The following GNL3L variants were observed in gnomAD, a reference collection of about 807,000 sequenced individuals.
GNL3L encodes G protein nucleolar 3 like.
Under a neutral mutation model 42.9 loss-of-function variants are expected in GNL3L, and 4 were observed. The ratio of observed to expected loss-of-function variants is 0.09; its 90% CI spans 0.05 to 0.21. The LOEUF is 0.21. GNL3L is among the 10% of genes least tolerant of loss of function. The pLI, the probability that GNL3L is intolerant of heterozygous loss-of-function variation, is 1.00. For missense variants in GNL3L, 412 were observed against 481.7 expected (o/e 0.86, Z 1.36); for synonymous variants, 159 against 176.3 (o/e 0.90, Z 0.78).
chrX:54,575,363 C>T (rs1925618562), intron 16 of GNL3L, among the ~76,000 whole-genome samples: 1 of 112,448 alleles, frequency 8.9e-6, no homozygotes, highest in African/African-American at 3.2e-5. Context: ...TTCCAAATTT[C>T]CTTCTGTTGT....
Position 54,566,224 on chromosome X carries a change from G to A in GNL3L, c.*5622G>A, listed in dbSNP as rs1201895293. 9.0e-6 allele frequency among the ~76,000 whole-genome samples: 1 copy of A among 111,559 alleles called. No individual in the cohort carries two copies. The highest frequency in any genetic ancestry group is 1.9e-5 in the Non-Finnish European group (1 of 53,193). ...TTTAAAAATTATGGTAAAATACACAGAACATAAACGTTACCATCTGATATG... is the reference window on the plus strand; with the variant it reads ...TTTAAAAATTATGGTAAAATACACAAAACATAAACGTTACCATCTGATATG... On this transcript the variant is annotated 3_prime_UTR_variant, in exon 16 of 16. Coordinates refer to ENST00000360845, the MANE Select transcript of GNL3L (RefSeq NM_001184819.2).
intron 16 of GNL3L, among the ~76,000 whole-genome samples, chrX:54,572,534 C>T (rs1437092051): frequency 8.1e-5 from 9 of 111,602 alleles, no homozygotes; most frequent in East Asian, 5.8e-4. Flanking sequence ...ACCTCCCAGA[C>T]GGGGTGGTGG....
downstream of GNL3L, among the ~76,000 whole-genome samples, chrX:54,568,833 G>A (rs750075867): frequency 1.1e-4 from 12 of 112,343 alleles, no homozygotes; most frequent in African/African-American, 3.2e-4. Context: ...GATTATAGGC[G>A]TGAGCCACGA....
the GNL3L span, among the ~76,000 whole-genome samples, chrX:54,628,767 T>C: frequency 2.8e-5 from 3 of 108,965 alleles, no homozygotes; most frequent in Admixed American, 2.0e-4. Flanking sequence ...TGGATATTAG[T>C]TCTTTGTCAG....
the GNL3L span, among the ~76,000 whole-genome samples, chrX:54,638,659 A>G: frequency 9.0e-6 from 1 of 111,356 alleles, no homozygotes; most frequent in Non-Finnish European, 1.9e-5. Context: ...GGGTTTCACC[A>G]TGCTGGTCTC....
exon 17 of GNL3L, among the ~76,000 whole-genome samples, chrX:54,621,071 C>T (rs957689130): frequency 8.9e-6 from 1 of 112,173 alleles, no homozygotes; most frequent in African/African-American, 3.2e-5. Flanking sequence ...TCTCACTCAT[C>T]CCACATACTT....
chrX:54,545,283 A>T (rs1171556759), intron 8 of GNL3L, among the ~76,000 whole-genome samples: 1 of 111,536 alleles, frequency 9.0e-6, no homozygotes, highest in Non-Finnish European at 1.9e-5. Flanking sequence ...CAGTGGCACC[A>T]TCTCGGCTCA....
intron 16 of GNL3L, among the ~76,000 whole-genome samples, chrX:54,619,607 C>T (rs940063797): frequency 1.8e-5 from 2 of 110,433 alleles, no homozygotes; most frequent in East Asian, 5.7e-4. Context: ...CCTCTTGCCT[C>T]GGCCTTCCAA....
downstream of GNL3L, among the ~76,000 whole-genome samples, chrX:54,571,777 C>A (rs770472823): frequency 8.3e-5 from 9 of 108,709 alleles, no homozygotes; most frequent in African/African-American, 3.0e-4. Flanking sequence ...TATTGAACTT[C>A]TTGGATATTT....
intron 16 of GNL3L, among the ~76,000 whole-genome samples, chrX:54,616,291 A>G (rs1208953258): frequency 8.8e-5 from 10 of 113,168 alleles, no homozygotes; most frequent in African/African-American, 3.2e-4. Context: ...GGAGAAAGGA[A>G]AAACCAATTT....
At chrX:54,597,034 C>T (rs1006774218) in intron 16 of GNL3L, among the ~76,000 whole-genome samples, 2 of 111,306 alleles carry the variant, frequency 1.8e-5, no homozygotes, top group African/African-American at 6.5e-5. Context: ...GGTACTCTGC[C>T]TCCCTGCGGT....
intron 16 of GNL3L, among the ~76,000 whole-genome samples, chrX:54,592,425 A>G: frequency 8.9e-6 from 1 of 112,235 alleles, no homozygotes; most frequent in East Asian, 2.8e-4. Flanking sequence ...TTCCCCATTC[A>G]GTATGATACT....
chrX:54,598,635 G>A (rs1925966334), intron 16 of GNL3L, among the ~76,000 whole-genome samples: 3 of 110,926 alleles, frequency 2.7e-5, no homozygotes, highest in African/African-American at 9.8e-5. Context: ...GGAAAAATTA[G>A]AAAACATGAA....
downstream of GNL3L, among the ~76,000 whole-genome samples, chrX:54,569,216 C>CG (rs1925510814): frequency 9.0e-6 from 1 of 111,621 alleles, no homozygotes; most frequent in Non-Finnish European, 1.9e-5. Context: ...TCTTTGGTAT[C>CG]GGGGTAATGC....
intron 13 of GNL3L, among the ~76,000 whole-genome samples, chrX:54,553,706 A>AT (rs1027272344): frequency 9.1e-6 from 1 of 109,886 alleles, no homozygotes; most frequent in African/African-American, 3.3e-5. Context: ...CGCCTGGCTA[A>AT]TTTTTTTTAT....
intron 13 of GNL3L, among the ~76,000 whole-genome samples, chrX:54,553,445 C>G (rs944730525): frequency 8.9e-6 from 1 of 112,486 alleles, no homozygotes; most frequent in African/African-American, 3.2e-5. Flanking sequence ...TTTTAGTGTC[C>G]TTGTGTTACA....
intron 14 of GNL3L, 103 bp from the exon 15 acceptor site, chrX:54,558,333 C>A: frequency 1.8e-6 from 1 of 557,455 alleles, no homozygotes; most frequent in Non-Finnish European, 3.1e-6. Flanking sequence ...TGGCTCCAGG[C>A]TCCTGTTCTT....
downstream of GNL3L, among the ~76,000 whole-genome samples, chrX:54,622,858 A>G (rs1485785640): frequency 1.8e-5 from 2 of 111,531 alleles, no homozygotes; most frequent in African/African-American, 3.3e-5. Context: ...TAACTCTTAC[A>G]TTTAGGTCAT....
At chrX:54,608,750 C>T (rs978911337) in intron 16 of GNL3L, among the ~76,000 whole-genome samples, 10 of 112,153 alleles carry the variant, frequency 8.9e-5, no homozygotes, top group African/African-American at 2.9e-4. Flanking sequence ...TTTATCCACT[C>T]GTTTATTGAT....
Sources: gnomAD v4.1 joint callset for allele counts (sites outside exome capture counted in the v4.1 genomes callset) on GRCh38, gnomAD v4.1.1 for gene constraint, MANE v1.5 for transcripts, NCBI Gene and HGNC (gene_info 2026-07-23, HGNC 2026-07-21) for gene names.